COX7B2: variants seen among roughly 807,000 people sequenced by gnomAD.
The protein encoded by COX7B2 is cytochrome c oxidase subunit 7B2, also known as cytochrome c oxidase subunit 7B2, mitochondrial.
For missense variants in COX7B2, 109 were observed against 95.9 expected (o/e 1.14, Z -0.57); for synonymous variants, 37 against 32.1 (o/e 1.15, Z -0.51).
At chr4:46,739,097 G>C (rs1048783609) in intron 2 of COX7B2, among the ~76,000 whole-genome samples, 1 of 152,052 alleles carries the variant, frequency 6.6e-6, no homozygotes, top group Non-Finnish European at 1.5e-5. Flanking sequence ...AGTGTAGTAA[G>C]GAAACTAACA....
intron 1 of COX7B2, among the ~76,000 whole-genome samples, chr4:46,876,327 T>C (rs1340148656): frequency 1.3e-5 from 2 of 152,020 alleles, no homozygotes; most frequent in East Asian, 1.9e-4. Flanking sequence ...ATTTAAATAA[T>C]ATTTCATTGT....
Position 46,754,728 on chromosome 4 carries a change from G to GTATATA in COX7B2, c.-49-19493_-49-19488dup, listed in dbSNP as rs56248005. Among the ~76,000 whole-genome samples, 144 of 39,842 alleles carry GTATATA rather than the reference G, an allele frequency of 3.6e-3. 4 individuals are homozygous for GTATATA. The highest frequency in any genetic ancestry group is 0.013 in the Middle Eastern group (1 of 76). 26.1% of individuals were successfully genotyped at this position (39,842 alleles called of 152,430 possible). On this transcript the variant is annotated intron_variant, in intron 2 of 2. Coordinates refer to ENST00000355591, the MANE Select transcript of COX7B2 (RefSeq NM_130902.3). ...TGTGTGTGTGTGTGTGTGTGTGTGTGTATATATATATATATATATATGAAA... is the reference window on the plus strand; with the variant it reads ...TGTGTGTGTGTGTGTGTGTGTGTGTGTATATATATATATATATATATATATATGAAA...
chr4:46,851,431 A>G (rs555420395), intron 1 of COX7B2, among the ~76,000 whole-genome samples: 3 of 152,256 alleles, frequency 2.0e-5, no homozygotes, highest in African/African-American at 7.2e-5. Context: ...TAATTTAGAC[A>G]TAGATAAAAG....
chr4:46,787,907 T>G (rs1187598948), intron 2 of COX7B2, among the ~76,000 whole-genome samples: 1 of 152,190 alleles, frequency 6.6e-6, no homozygotes, highest in African/African-American at 2.4e-5. Flanking sequence ...TCTCACCATA[T>G]GAATTATGTC....
intron 2 of COX7B2, among the ~76,000 whole-genome samples, chr4:46,841,421 T>TA (rs1715921592): frequency 1.3e-5 from 2 of 150,436 alleles, no homozygotes; most frequent in Non-Finnish European, 3.0e-5. Context: ...GAAATGAGGG[T>TA]AAAATACTAA....
chr4:46,755,176 A>C (rs1025410943), intron 2 of COX7B2, among the ~76,000 whole-genome samples: 1 of 152,064 alleles, frequency 6.6e-6, no homozygotes, highest in Admixed American at 6.6e-5. Flanking sequence ...AACAGAATTA[A>C]GGACAAAAAC....
At chr4:46,893,656 T>C (rs1719577521) in intron 1 of COX7B2, among the ~76,000 whole-genome samples, 1 of 152,118 alleles carries the variant, frequency 6.6e-6, no homozygotes, top group Non-Finnish European at 1.5e-5. Context: ...AATCCATGGA[T>C]AAAGTCAAAA....
At chr4:46,819,682 G>A (rs756242050) in intron 2 of COX7B2, among the ~76,000 whole-genome samples, 3 of 152,198 alleles carry the variant, frequency 2.0e-5, no homozygotes, top group African/African-American at 4.8e-5. Flanking sequence ...TTGTGTTAAA[G>A]CAGTATATTA....
intron 2 of COX7B2, among the ~76,000 whole-genome samples, chr4:46,787,544 A>G (rs1451632829): frequency 6.6e-6 from 1 of 152,218 alleles, no homozygotes; most frequent in Non-Finnish European, 1.5e-5. Context: ...TAGGTGCTCA[A>G]TGTTGACTAA....
At chr4:46,894,601 C>G (rs1460048555) in intron 1 of COX7B2, among the ~76,000 whole-genome samples, 1 of 152,088 alleles carries the variant, frequency 6.6e-6, no homozygotes, top group Non-Finnish European at 1.5e-5. Context: ...GAAAAAGATA[C>G]CAAAAACTAT....
chr4:46,877,043 G>A lies in COX7B2; in HGVS notation c.-104-32029C>T, dbSNP rs76523356. 9.5e-4 allele frequency among the ~76,000 whole-genome samples: 144 copies of A among 152,196 alleles called. 1 individual carries two copies. Among genetic ancestry groups the A allele is most frequent in the African/African-American group, 3.2e-3 (134 of 41,532 alleles). On this transcript the variant is annotated intron_variant, in intron 1 of 2. Transcript: ENST00000355591. ...ACTAAAACCATTAGCAGTAAGAATCGAACGACTCTCAAAACCCAGTTTCAG... is the reference window on the plus strand; with the variant it reads ...ACTAAAACCATTAGCAGTAAGAATCAAACGACTCTCAAAACCCAGTTTCAG...
chr4:46,767,179 G>C (rs1325759040), intron 2 of COX7B2, among the ~76,000 whole-genome samples: 2 of 152,148 alleles, frequency 1.3e-5, no homozygotes, highest in Admixed American at 6.5e-5. Flanking sequence ...GATATTCCAC[G>C]CAAGTGGCAA....
chr4:46,804,724 G>A (rs1423855723), intron 2 of COX7B2, among the ~76,000 whole-genome samples: 3 of 152,208 alleles, frequency 2.0e-5, no homozygotes, highest in Non-Finnish European at 2.9e-5. Flanking sequence ...AGACATAAAG[G>A]TTCTCCAAGT....
At chr4:46,873,899 C>T (rs1254521726) in intron 1 of COX7B2, among the ~76,000 whole-genome samples, 2 of 152,072 alleles carry the variant, frequency 1.3e-5, no homozygotes, top group African/African-American at 4.8e-5. Context: ...CAATTCCCAC[C>T]TATGAGTGAG....
At chr4:46,812,666 G>T (rs115835780) in intron 2 of COX7B2, among the ~76,000 whole-genome samples, 1,675 of 152,240 alleles carry the variant, frequency 0.011, 20 homozygotes, top group Middle Eastern at 0.041. Flanking sequence ...AGCTCAGACT[G>T]TAGGAGTCTA....
chr4:46,748,749 T>C (rs1272329359), intron 2 of COX7B2, among the ~76,000 whole-genome samples: 1 of 152,202 alleles, frequency 6.6e-6, no homozygotes, highest in African/African-American at 2.4e-5. Context: ...CATGTCTATA[T>C]GGCTATTTCT....
intron 1 of COX7B2, among the ~76,000 whole-genome samples, chr4:46,883,857 T>C (rs1421534415): frequency 6.6e-6 from 1 of 152,152 alleles, no homozygotes; most frequent in African/African-American, 2.4e-5. Flanking sequence ...AGAATGAAGT[T>C]TCAAACATTA....
chr4:46,739,531 T>C (rs115117303), intron 2 of COX7B2, among the ~76,000 whole-genome samples: 1,712 of 152,200 alleles, frequency 0.011, 20 homozygotes, highest in Middle Eastern at 0.037. Flanking sequence ...AAATAATTAT[T>C]GCTCTACATA....
chr4:46,850,425 C>A (rs796391137), intron 1 of COX7B2, among the ~76,000 whole-genome samples: 6 of 151,854 alleles, frequency 4.0e-5, no homozygotes, highest in Non-Finnish European at 8.8e-5. Context: ...CAAGACGGAG[C>A]GGGAAAAGCA....
Sources: gnomAD v4.1 joint callset for allele counts (sites outside exome capture counted in the v4.1 genomes callset) on GRCh38, gnomAD v4.1.1 for gene constraint, MANE v1.5 for transcripts, NCBI Gene and HGNC (gene_info 2026-07-23, HGNC 2026-07-21) for gene names.